Variants in TMEM236 observed in about 807,000 individuals in gnomAD.
TMEM236 encodes family with sequence similarity 23, member A.
Under a neutral mutation model 14.7 loss-of-function variants are expected in TMEM236, and 11 were observed. That is an observed-to-expected ratio of 0.75 (90% CI 0.47 to 1.24). TMEM236 has a LOEUF of 1.24. Ranked by LOEUF, TMEM236 falls within the 50% of genes most tolerant of loss-of-function variation. TMEM236 has a pLI of 0.00. For synonymous variants in TMEM236, 182 were observed against 168.6 expected, an observed-to-expected ratio of 1.08 and a Z score of -0.62; for missense variants, 464 against 427.3, an observed-to-expected ratio of 1.09 and a Z score of -0.76.
chr10:17,785,174 T>C (rs960756495), intron 3 of TMEM236, among the ~76,000 whole-genome samples: 17 of 152,192 alleles, frequency 1.1e-4, no homozygotes, highest in Non-Finnish European at 1.5e-5. Flanking sequence ...AAGTCTAAGC[T>C]ATTGCCATTG....
intron 3 of TMEM236, among the ~76,000 whole-genome samples, chr10:17,791,002 C>A (rs1226153504): frequency 6.6e-6 from 1 of 152,142 alleles, no homozygotes; most frequent in African/African-American, 2.4e-5. Context: ...TATCCTGGAC[C>A]ATAAGACTCT....
At chr10:17,761,942 T>C (rs985706543) in intron 1 of TMEM236, among the ~76,000 whole-genome samples, 1,540 of 152,292 alleles carry the variant, frequency 0.01, 29 homozygotes, top group African/African-American at 0.034. Flanking sequence ...GTTGAAACAA[T>C]ACCTATCACT....
At chr10:17,762,216 C>T (rs963416611) in intron 1 of TMEM236, among the ~76,000 whole-genome samples, 153 of 152,262 alleles carry the variant, frequency 1.0e-3, no homozygotes, top group Middle Eastern at 3.4e-3. Flanking sequence ...GCCATCTCAA[C>T]CACGCCACAT....
rs2131770913 is a variant in TMEM236, at chr10:17,796,270, T to A, written c.822T>A (p.Phe274Leu). The change falls in exon 4 of 4, where the codon TTT becomes TTA. Residue 274 changes from phenylalanine to leucine, a missense_variant. Transcript: ENST00000377495. Reference sequence around the variant, plus strand: ...TATACCCAGTCTACATATTCAGTTTTATTTCTCTCCTTCGAATTACATTCA... The same window carrying A: ...TATACCCAGTCTACATATTCAGTTTAATTTCTCTCCTTCGAATTACATTCA... ...SWLYPVYIFS[F>L]ISLLRITFTP... is the part of the protein sequence containing the mutation. 6.2e-7 allele frequency: 1 copy of A among 1,613,986 alleles called. No individual in the cohort carries two copies. The highest frequency in any genetic ancestry group is 1.7e-4 in the Middle Eastern group (1 of 6,056).
chr10:17,795,019 C>G (rs1415374228), intron 3 of TMEM236, among the ~76,000 whole-genome samples: 1 of 152,132 alleles, frequency 6.6e-6, no homozygotes, highest in Non-Finnish European at 1.5e-5. Context: ...CAGAGCAAGA[C>G]TCTGTCACAA....
At position 17,800,221 on chromosome 10, in the gene TMEM236, G is replaced by C. The variant is rs1211419387; in HGVS notation, c.*3717G>C. On this transcript the variant is annotated 3_prime_UTR_variant, in exon 4 of 4. Coordinates refer to ENST00000377495, the MANE Select transcript of TMEM236 (RefSeq NM_001098844.3). ...TGCTCCAGCCTGGGCAACAGATTGA[G>C]ACTCTGTCTCAAAAAAAAAAAAAAG... 6.8e-6 allele frequency: 1 copy of C among 147,624 alleles called. No individual in the cohort carries two copies. Among genetic ancestry groups the C allele is most frequent in the East Asian group, 2.0e-4 (1 of 5,080 alleles). 9.1% of individuals were successfully genotyped at this position (147,624 alleles called of 1,614,324 possible). A position where few individuals can be genotyped will look rare whatever the true frequency, so the allele number is the denominator to read the frequency against.
In TMEM236 at chr10:17,796,337, C is replaced by T. The variant is rs1479390642; in HGVS notation, c.889C>T (p.Gln297Ter). 2.8e-5 allele frequency: 45 copies of T among 1,613,848 alleles called. No homozygotes were observed. The highest frequency in any genetic ancestry group is 1.6e-4 in the Middle Eastern group (1 of 6,078). ...PLLNSLSVLLQDLPFVFVRLG... is the reference protein window; with the variant it reads ...PLLNSLSVLL ...TCTCAATTCCCTGAGCGTCCTGCTG[C>T]AAGATTTACCATTCGTTTTTGTTAG... Residue 297 changes from glutamine (Q) to a stop codon, truncating the protein, a stop_gained, in exon 4 of 4, where the codon CAA (glutamine) becomes TAA (stop). Transcript: ENST00000377495. LOFTEE classifies it low-confidence loss of function (END_TRUNC).
chr10:17,787,524 T>C (rs937482261), intron 3 of TMEM236, among the ~76,000 whole-genome samples: 3,402 of 152,342 alleles, frequency 0.022, 154 homozygotes, highest in African/African-American at 0.077. Flanking sequence ...TGGGCCGAGC[T>C]TTCATGCTTT....
intron 3 of TMEM236, among the ~76,000 whole-genome samples, chr10:17,789,058 C>T (rs1837881154): frequency 6.6e-6 from 1 of 152,056 alleles, no homozygotes; most frequent in Non-Finnish European, 1.5e-5. Context: ...CCACTATGAC[C>T]GATTTCAAGC....
At chr10:17,787,251 CA>C (rs1177366201) in intron 3 of TMEM236, among the ~76,000 whole-genome samples, 1 of 152,234 alleles carries the variant, frequency 6.6e-6, no homozygotes, top group African/African-American at 2.4e-5. Flanking sequence ...CCATGCCAGA[CA>C]GCGCTGGCAC....
rs1045115409 is a variant in TMEM236 at position 17,796,834 on chromosome 10, G to A, written c.*330G>A. ...TCCGTGATCTGTTAGCAAGCAGACC[G>A]CACAGCACGTGGTGAACCTCAAACT... is the stretch of plus-strand genomic sequence containing the variant. On this transcript the variant is annotated 3_prime_UTR_variant, in exon 4 of 4. Coordinates refer to ENST00000377495, the MANE Select transcript of TMEM236 (RefSeq NM_001098844.3). 7 of 341,066 alleles carry A rather than the reference G, an allele frequency of 2.1e-5. No individual in the cohort carries two copies. In the East Asian group the frequency reaches 3.1e-4, roughly 15 times the overall value. The allele number at this position is 341,066 out of a possible 1,614,324, so 21.1% of individuals were successfully genotyped here. A position where few individuals can be genotyped will look rare whatever the true frequency, so the allele number is the denominator to read the frequency against.
chr10:17,758,331 A>T (rs1837311233), intron 1 of TMEM236, among the ~76,000 whole-genome samples: 1 of 152,184 alleles, frequency 6.6e-6, no homozygotes, highest in Non-Finnish European at 1.5e-5. Context: ...AGCTTCCCTG[A>T]AGGTCCAGGC....
intron 3 of TMEM236, among the ~76,000 whole-genome samples, chr10:17,784,402 A>G (rs552757254): frequency 4.7e-4 from 71 of 152,310 alleles, no homozygotes; most frequent in Non-Finnish European, 8.5e-4. Flanking sequence ...TAAAAATATC[A>G]GTGCCAAGCA....
chr10:17,796,697 G>A lies in TMEM236; in HGVS notation c.*193G>A, dbSNP rs1300749890. ...ACAAATGGTGCTAAATTTAAGTAAA[G>A]TAATATTCTTATAAGTTGGCTCTCA... On this transcript the variant is annotated 3_prime_UTR_variant, in exon 4 of 4. Coordinates refer to ENST00000377495, the MANE Select transcript of TMEM236 (RefSeq NM_001098844.3). 6.0e-5 allele frequency: 36 copies of A among 601,664 alleles called. No homozygotes were observed. In the Admixed American group the frequency reaches 1.0e-3, roughly 17 times the overall value. The allele number at this position is 601,664 out of a possible 1,614,324, so 37.3% of individuals were successfully genotyped here.
chr10:17,761,913 G>T (rs1837371026), intron 1 of TMEM236, among the ~76,000 whole-genome samples: 1 of 152,170 alleles, frequency 6.6e-6, no homozygotes, highest in Admixed American at 6.5e-5. Context: ...TCGTAGAACA[G>T]CCTTCTTTAT....
At position 17,786,443 on chromosome 10, in the gene TMEM236, C is replaced by T. The variant is rs1028493240; in HGVS notation, c.473-9478C>T. 6.6e-5 allele frequency among the ~76,000 whole-genome samples: 10 copies of T among 152,298 alleles called. No homozygotes were observed. In the East Asian group the frequency reaches 1.2e-3, roughly 18 times the overall value. On this transcript the variant is annotated intron_variant, in intron 3 of 3. Transcript: ENST00000377495. ...CCACGATCACAGTGCACTGCAGCCT[C>T]GACCTCCTGAGCTCAAGTGATCCTC...
chr10:17,768,086 G>GTTTTTTTTTTTTTTTTTTTTTTT (rs879036347), intron 1 of TMEM236, among the ~76,000 whole-genome samples: 6 of 92,012 alleles, frequency 6.5e-5, no homozygotes, highest in Non-Finnish European at 1.3e-4. Flanking sequence ...AATTTTTGTG[G>GTTTTTTTTTTTTTTTTTTTTTTT]TTTTTTTTTT....
chr10:17,756,937 C>T (rs1002070550), intron 1 of TMEM236, among the ~76,000 whole-genome samples: 1 of 152,146 alleles, frequency 6.6e-6, no homozygotes, highest in African/African-American at 2.4e-5. Context: ...TAAAGTGTTT[C>T]GGGTTGTCAT....
chr10:17,791,368 G>C (rs901460805), intron 3 of TMEM236, among the ~76,000 whole-genome samples: 1 of 152,144 alleles, frequency 6.6e-6, no homozygotes, highest in Non-Finnish European at 1.5e-5. Flanking sequence ...TGAGGCAGGA[G>C]GATCGCTTGA....
Sources: allele counts gnomAD v4.1 joint callset (sites outside exome capture counted in the v4.1 genomes callset), GRCh38; gene constraint gnomAD v4.1.1; transcripts MANE v1.5; gene names NCBI Gene and HGNC (gene_info 2026-07-23, HGNC 2026-07-21).